PHF14: variants seen among roughly 807,000 people sequenced by gnomAD.
The protein encoded by PHF14 is PHD finger protein 14.
PHF14 carries 55 observed loss-of-function variants against 117.9 expected under a neutral mutation model. The observed-to-expected ratio is 0.47, with a 90% confidence interval of 0.38 to 0.58. The LOEUF (loss-of-function observed/expected upper bound fraction) is 0.58. Among genes scored for constraint, PHF14 ranks in the 20% least tolerant of loss-of-function variants. The probability of loss-of-function intolerance (pLI) is 0.00; values close to 1 mark genes in which losing one functional copy is unlikely to be tolerated. For synonymous variants in PHF14, 409 were observed against 368.6 expected, an observed-to-expected ratio of 1.11 and a Z score of -1.26; for missense variants, 978 against 1,122.2, an observed-to-expected ratio of 0.87 and a Z score of 1.84.
chr7:11,067,837 C>T lies in PHF14; in HGVS notation c.2654+5752C>T, dbSNP rs140153453. 3.3e-3 allele frequency among the ~76,000 whole-genome samples: 499 copies of T among 152,130 alleles called. 3 individuals are homozygous for T. Among genetic ancestry groups the T allele is most frequent in the African/African-American group, 0.011 (476 of 41,518 alleles). ...GAGGAATCAAGAGAGGGGGAGATGC[C>T]AGGCTCTTTTTACTATCCAACTATC... is the stretch of plus-strand genomic sequence containing the variant. On this transcript the variant is annotated intron_variant, in intron 16 of 17. Transcript: ENST00000634607.
intron 16 of PHF14, among the ~76,000 whole-genome samples, chr7:11,077,599 T>TAA (rs10658162): frequency 0.073 from 7,629 of 104,924 alleles, 592 homozygotes; most frequent in East Asian, 0.21. Context: ...GACTCTGTCT[T>TAA]AAAAAAAAAA....
chr7:11,159,583 G>A (rs891327057), intron 17 of PHF14, among the ~76,000 whole-genome samples: 3 of 151,966 alleles, frequency 2.0e-5, no homozygotes, highest in Non-Finnish European at 4.4e-5. Flanking sequence ...AGAAAAGTGG[G>A]CAAAAATTAG....
At chr7:11,011,313 G>T (rs184487171) in intron 4 of PHF14, among the ~76,000 whole-genome samples, 1 of 152,218 alleles carries the variant, frequency 6.6e-6, no homozygotes. Context: ...TTTGATGGTT[G>T]TGAGAGGTCA....
intron 4 of PHF14, among the ~76,000 whole-genome samples, chr7:10,998,593 A>C (rs73678545): frequency 0.039 from 5,992 of 152,222 alleles, 406 homozygotes; most frequent in African/African-American, 0.14. Flanking sequence ...ACATGGTTGA[A>C]TATATGTGTA....
At chr7:11,077,764 G>T (rs985861787) in intron 16 of PHF14, among the ~76,000 whole-genome samples, 3 of 152,040 alleles carry the variant, frequency 2.0e-5, no homozygotes, top group Non-Finnish European at 2.9e-5. Context: ...TGAGAGGCAG[G>T]TTCAGTTAAA....
intron 3 of PHF14, 38 bp from the exon 4 acceptor site, chr7:10,990,661 TTAAA>T (rs1436969470): frequency 7.9e-7 from 1 of 1,265,858 alleles, no homozygotes; most frequent in Non-Finnish European, 1.1e-6. Flanking sequence ...TTTTTTTACT[TTAAA>T]TGTGATTTTC....
Position 11,035,673 on chromosome 7 carries a change from C to A in PHF14, c.1489C>A (p.Gln497Lys). The A allele has an allele frequency of 6.2e-7, 1 of 1,609,740 alleles. No homozygotes were observed. The highest frequency in any genetic ancestry group is 8.5e-7 in the Non-Finnish European group (1 of 1,176,654). The change falls in exon 8 of 18, where the codon CAA becomes AAA. Residue 497 changes from glutamine to lysine, a missense_variant. By Grantham distance (53) the Gln-to-Lys change is moderately conservative. Transcript: ENST00000634607. The part of the protein sequence containing the change: ...IADPFFAYCK[Q>K]HADRLDRKWK... Reference sequence around the variant, plus strand: ...AGATCCATTCTTTGCTTATTGTAAGCAACATGCAGATAGGTTAGACAGAAA... The same window carrying A: ...AGATCCATTCTTTGCTTATTGTAAGAAACATGCAGATAGGTTAGACAGAAA...
intron 17 of PHF14, among the ~76,000 whole-genome samples, chr7:11,117,272 T>C (rs1019096050): frequency 6.6e-6 from 1 of 151,896 alleles, no homozygotes; most frequent in Non-Finnish European, 1.5e-5. Context: ...ATCTGACTAC[T>C]ACAAGGTGAG....
intron 17 of PHF14, among the ~76,000 whole-genome samples, chr7:11,136,461 C>T (rs1436626625): frequency 6.6e-6 from 1 of 151,898 alleles, no homozygotes; most frequent in Non-Finnish European, 1.5e-5. Flanking sequence ...TGAATGAATC[C>T]AGATTTTCAG....
chr7:11,103,052 A>G, intron 16 of PHF14: 1 of 984,786 alleles, frequency 1.0e-6, no homozygotes, highest in Non-Finnish European at 1.2e-6. Flanking sequence ...ACATAGATTC[A>G]TATATGAAGT....
chr7:10,994,858 A>C (rs1782577628), intron 4 of PHF14, among the ~76,000 whole-genome samples: 1 of 152,118 alleles, frequency 6.6e-6, no homozygotes. Flanking sequence ...CAGCAGCAAG[A>C]TTTATTGCAA....
intron 16 of PHF14, chr7:11,071,388 A>G (rs750290365): frequency 2.2e-5 from 9 of 414,426 alleles, no homozygotes; most frequent in Non-Finnish European, 3.4e-5. Flanking sequence ...TTGCTTAAAT[A>G]TCTTAGAATG....
At chr7:11,030,036 C>G (rs117180674) in intron 7 of PHF14, among the ~76,000 whole-genome samples, 2,970 of 151,622 alleles carry the variant, frequency 0.02, 40 homozygotes, top group Middle Eastern at 0.045. Context: ...ATACATGTAG[C>G]TGTTTTTGAT....
intron 17 of PHF14, among the ~76,000 whole-genome samples, chr7:11,155,706 T>C (rs1788822532): frequency 6.6e-6 from 1 of 152,150 alleles, no homozygotes; most frequent in Non-Finnish European, 1.5e-5. Flanking sequence ...TGATCAATTG[T>C]TTTAGTCAGA....
intron 4 of PHF14, chr7:11,006,749 G>A (rs1783118255): frequency 2.9e-6 from 2 of 696,802 alleles, no homozygotes; most frequent in South Asian, 2.7e-5. Context: ...TGGGTGACAT[G>A]CGGATCTTCT....
chr7:11,150,462 G>T (rs1416247143), intron 17 of PHF14, among the ~76,000 whole-genome samples: 1 of 151,898 alleles, frequency 6.6e-6, no homozygotes, highest in East Asian at 1.9e-4. Flanking sequence ...CTGAACATAT[G>T]GCACATTATA....
chr7:11,085,788 G>T (rs1357873379), intron 16 of PHF14, among the ~76,000 whole-genome samples: 1 of 151,794 alleles, frequency 6.6e-6, no homozygotes, highest in Non-Finnish European at 1.5e-5. Context: ...TCAACTCCTA[G>T]GTTCAGTCCT....
rs577608849 is a variant in PHF14 at position 11,112,758 on chromosome 7, G to A, written c.2772+1291G>A. On this transcript the variant is annotated intron_variant, in intron 17 of 17. Coordinates refer to ENST00000634607, the MANE Select transcript of PHF14 (RefSeq NM_001007157.2). ...TGCATGCCAACCTGGGCGACAGGGC[G>A]AGACTCCATCTCAAAAAAAAAAAAA... Among the ~76,000 whole-genome samples the A allele has an allele frequency of 4.0e-5, 6 of 150,966 alleles. No homozygotes were observed. In the East Asian group the frequency reaches 7.8e-4, roughly 20 times the overall value.
intron 2 of PHF14, among the ~76,000 whole-genome samples, chr7:10,982,126 A>G (rs1782063348): frequency 6.6e-6 from 1 of 152,202 alleles, no homozygotes; most frequent in Non-Finnish European, 1.5e-5. Flanking sequence ...TTTAAAGCAT[A>G]TTTTAATTTA....
Sources: allele counts gnomAD v4.1 joint callset (sites outside exome capture counted in the v4.1 genomes callset), GRCh38; gene constraint gnomAD v4.1.1; transcripts MANE v1.5; gene names NCBI Gene and HGNC (gene_info 2026-07-23, HGNC 2026-07-21).